The following ARHGEF10L variants were observed in gnomAD, a reference collection of about 807,000 sequenced individuals.
ARHGEF10L encodes the protein Rho guanine nucleotide exchange factor 10 like, also known as rho guanine nucleotide exchange factor 10-like protein.
In ARHGEF10L, 69 loss-of-function variants were observed where a neutral mutation model predicts 141.2. That is an observed-to-expected ratio of 0.49 (90% confidence interval 0.40 to 0.60). The LOEUF (loss-of-function observed/expected upper bound fraction) is 0.60. ARHGEF10L is among the 20% of genes least tolerant of loss of function. The probability of loss-of-function intolerance (pLI) is 0.00; values close to 1 mark genes in which losing one functional copy is unlikely to be tolerated. For missense variants in ARHGEF10L, 1,482 were observed against 1,734.3 expected (o/e 0.85, Z 2.58); for synonymous variants, 711 against 718.5 (o/e 0.99, Z 0.17).
chr1:17,514,743 T>C, the ARHGEF10L span, among the ~76,000 whole-genome samples: 3 of 152,352 alleles, frequency 2.0e-5, no homozygotes, highest in South Asian at 6.2e-4. Flanking sequence ...GGCTTATTGC[T>C]TTTGAGGTGT....
At chr1:17,515,359 T>C in the ARHGEF10L span, among the ~76,000 whole-genome samples, 1 of 151,382 alleles carries the variant, frequency 6.6e-6, no homozygotes, top group South Asian at 2.1e-4. Context: ...AGTGGTGTGA[T>C]CTCGGCTCAC....
chr1:17,690,744 C>T (rs1043724560), intron 27 of ARHGEF10L, among the ~76,000 whole-genome samples: 1 of 152,198 alleles, frequency 6.6e-6, no homozygotes, highest in Non-Finnish European at 1.5e-5. Flanking sequence ...CCTGACCCCT[C>T]ATATCTGAGA....
At chr1:17,576,203 A>T (rs1464441251) in intron 1 of ARHGEF10L, among the ~76,000 whole-genome samples, 1 of 152,064 alleles carries the variant, frequency 6.6e-6, no homozygotes, top group Non-Finnish European at 1.5e-5. Flanking sequence ...CCGGGGTGGG[A>T]CAGGGGCAGG....
At chr1:17,648,505 G>T (rs368675849) in intron 21 of ARHGEF10L, 49 bp from the exon 22 acceptor site, 1 of 1,600,502 alleles carries the variant, frequency 6.2e-7, no homozygotes, top group South Asian at 1.1e-5. Flanking sequence ...TGGCCCAGTT[G>T]GTCCTTGGAC....
At chr1:17,557,355 A>AC (rs200850493) in intron 1 of ARHGEF10L, among the ~76,000 whole-genome samples, 1 of 150,066 alleles carries the variant, frequency 6.7e-6, no homozygotes, top group East Asian at 2.0e-4. Flanking sequence ...AAAAAAAAAA[A>AC]CAAAAAAAAC....
At chr1:17,616,710 G>A (rs2059827832) in intron 9 of ARHGEF10L, among the ~76,000 whole-genome samples, 2 of 152,364 alleles carry the variant, frequency 1.3e-5, no homozygotes, top group East Asian at 1.9e-4. Flanking sequence ...GACAGGACAG[G>A]TTGACAAGTG....
At chr1:17,637,857 C>A in intron 18 of ARHGEF10L, 31 bp from the exon 19 acceptor site, 1 of 1,549,190 alleles carries the variant, frequency 6.5e-7, no homozygotes, top group Non-Finnish European at 8.7e-7. Flanking sequence ...GCGCCTTCAC[C>A]TGTGCCTGAG....
At chr1:17,567,270 C>T (rs1162068213) in intron 1 of ARHGEF10L, among the ~76,000 whole-genome samples, 1 of 152,218 alleles carries the variant, frequency 6.6e-6, no homozygotes, top group Non-Finnish European at 1.5e-5. Context: ...CCTCTTTCTG[C>T]TGGTTACTTG....
upstream of ARHGEF10L, among the ~76,000 whole-genome samples, chr1:17,538,603 A>G (rs1162053187): frequency 6.6e-6 from 1 of 150,706 alleles, no homozygotes; most frequent in African/African-American, 2.4e-5. Flanking sequence ...TCCTAAGCCT[A>G]TGAGCTCCGA....
At chr1:17,559,798 T>C (rs2077476772) in intron 1 of ARHGEF10L, among the ~76,000 whole-genome samples, 1 of 152,048 alleles carries the variant, frequency 6.6e-6, no homozygotes, top group South Asian at 2.1e-4. Context: ...GCTGGTGCCA[T>C]TTCATTTGCA....
intron 4 of ARHGEF10L, among the ~76,000 whole-genome samples, chr1:17,600,293 G>C (rs1173268311): frequency 2.0e-5 from 3 of 152,188 alleles, no homozygotes; most frequent in African/African-American, 7.2e-5. Flanking sequence ...TCTGCTACAG[G>C]CTCGGGTGCC....
the ARHGEF10L span, among the ~76,000 whole-genome samples, chr1:17,520,529 G>C: frequency 1.3e-5 from 2 of 152,216 alleles, no homozygotes; most frequent in African/African-American, 4.8e-5. Context: ...TGGAGGTCGT[G>C]GGGGAGGGGT....
intron 23 of ARHGEF10L, 133 bp from the exon 24 acceptor site, chr1:17,655,746 G>A: frequency 3.8e-6 from 3 of 783,322 alleles, no homozygotes; most frequent in Non-Finnish European, 6.1e-6. Context: ...CTTTGTGAAG[G>A]CAGGATGTGT....
chr1:17,522,952 T>G, the ARHGEF10L span, among the ~76,000 whole-genome samples: 1 of 152,152 alleles, frequency 6.6e-6, no homozygotes, highest in Non-Finnish European at 1.5e-5. Flanking sequence ...ATACTAGTCA[T>G]GTTCCTGGTG....
Position 17,654,310 on chromosome 1 carries a change from C to A in ARHGEF10L, c.2395-326C>A, listed in dbSNP as rs1257770169. 5.9e-5 allele frequency among the ~76,000 whole-genome samples: 9 copies of A among 152,274 alleles called. No homozygotes were observed. The East Asian group carries it at 1.7e-3, about 29-fold the overall frequency. On this transcript the variant is annotated intron_variant, in intron 22 of 28. Transcript: ENST00000361221. The surrounding 1 kb of genome is among the most constrained non-coding windows in gnomAD (Gnocchi z 4.3). ...AGGGTAGTCACCTGCCCTCTGTGAC[C>A]CTCATTTCCCTGTTTGTAAAATAAG...
Position 17,640,268 on chromosome 1 carries a change from G to A in ARHGEF10L, c.2238G>A (p.Trp746Ter). 6.2e-7 allele frequency: 1 copy of A among 1,613,272 alleles called. No individual in the cohort carries two copies. The highest frequency in any genetic ancestry group is 1.1e-5 in the South Asian group (1 of 90,728). ...ITPNPLSKIS[W>*]VNRLHLAKIG... ...CCAACCCCCTGAGCAAGATTTCCTGGGTCAACAGGTTACATTTGGCCAAAA... is the reference window on the plus strand; with the variant it reads ...CCAACCCCCTGAGCAAGATTTCCTGAGTCAACAGGTTACATTTGGCCAAAA... Residue 746 changes from tryptophan to a stop codon, truncating the protein, a stop_gained, in exon 21 of 29, where the codon TGG becomes TGA. Transcript: ENST00000361221. LOFTEE classifies it high-confidence loss of function.
rs140336658 is a variant in ARHGEF10L, at chr1:17,644,527, C to T, written c.2273-4027C>T. The stretch of plus-strand genomic sequence containing the variant: ...GGCCTCCCTGGACACCAGTGGCCCT[C>T]TCTGTAGGGGACAGGTGGTTGGATG... On this transcript the variant is annotated intron_variant, in intron 21 of 28. Coordinates refer to ENST00000361221, the MANE Select transcript of ARHGEF10L (RefSeq NM_018125.4). This position sits in a 1 kb window ranked among gnomAD's most constrained non-coding sequence, Gnocchi z 4.5. Among the ~76,000 whole-genome samples the T allele has an allele frequency of 5.2e-3, 788 of 152,360 alleles. 8 individuals are homozygous for T. The highest frequency in any genetic ancestry group is 0.018 in the African/African-American group (736 of 41,580).
intron 2 of ARHGEF10L, among the ~76,000 whole-genome samples, chr1:17,582,921 G>T (rs149212184): frequency 6.6e-6 from 1 of 152,016 alleles, no homozygotes; most frequent in Non-Finnish European, 1.5e-5. Context: ...GAAGCTATTT[G>T]TACTCTTAAA....
Position 17,599,460 on chromosome 1 carries a change from G to A in ARHGEF10L, c.258-2667G>A, listed in dbSNP as rs138715607. ...ATCAGAGCAAAGAGGACCTGTGGCC[G>A]GGAGACTGTCCAGCCAACCTCTTCT... On this transcript the variant is annotated intron_variant, in intron 4 of 28. Coordinates refer to ENST00000361221, the MANE Select transcript of ARHGEF10L (RefSeq NM_018125.4). 3.1e-4 allele frequency among the ~76,000 whole-genome samples: 47 copies of A among 152,278 alleles called. 1 individual carries two copies. The highest frequency in any genetic ancestry group is 5.6e-4 in the Non-Finnish European group (38 of 68,024).
Sources: allele counts gnomAD v4.1 joint callset (sites outside exome capture counted in the v4.1 genomes callset), GRCh38; gene constraint gnomAD v4.1.1; non-coding constraint Gnocchi (gnomAD v3.1); transcripts MANE v1.5; gene names NCBI Gene and HGNC (gene_info 2026-07-23, HGNC 2026-07-21).